BRD8: variants seen among roughly 807,000 people sequenced by gnomAD.
BRD8 encodes bromodomain containing 8, also known as bromodomain-containing protein 8.
A neutral mutation model predicts 143.1 loss-of-function variants in BRD8; 67 were observed. The ratio of observed to expected loss-of-function variants is 0.47; its 90% CI spans 0.38 to 0.57. The LOEUF is 0.57. Ranked by LOEUF, BRD8 falls within the 20% of genes least tolerant of loss-of-function variation. The pLI, the probability that BRD8 is intolerant of heterozygous loss-of-function variation, is 0.00. For missense variants in BRD8, 1,103 were observed against 1,503.0 expected, an observed-to-expected ratio of 0.73 and a Z score of 4.40; for synonymous variants, 505 against 517.1, an observed-to-expected ratio of 0.98 and a Z score of 0.32.
intron 23 of BRD8, among the ~76,000 whole-genome samples, chr5:138,146,951 C>T (rs975345309): frequency 4.9e-5 from 7 of 143,394 alleles, no homozygotes; most frequent in Admixed American, 1.4e-4. Flanking sequence ...GCCTGGGCGA[C>T]CGAGCGAAAC....
chr5:138,156,169 T>C (rs1752587685), intron 20 of BRD8, among the ~76,000 whole-genome samples: 1 of 150,618 alleles, frequency 6.6e-6, no homozygotes, highest in Non-Finnish European at 1.5e-5. Flanking sequence ...AGATGGAATC[T>C]TGCTCTGTTG....
At chr5:138,172,037 C>T in intron 3 of BRD8, 28 bp downstream of exon 3, 1 of 1,601,660 alleles carries the variant, frequency 6.2e-7, no homozygotes, top group Non-Finnish European at 8.6e-7. Flanking sequence ...AAAGACTGCT[C>T]TAAAAGAGCC....
chr5:138,152,526 C>T lies in BRD8; in HGVS notation c.2812G>A (p.Ala938Thr). Residue 938 changes from alanine (A) to threonine (T), a missense_variant, in exon 21 of 27, where the codon GCA becomes ACA. Physicochemically the swap from Ala to Thr is moderately conservative, Grantham distance 58 (BLOSUM62 0). Transcript: ENST00000254900. ...DGGSEESQEA[A>T]RKASHQNLLH... ...AGGTTCTGGTGGCTGGCTTTCCTTGCCGCTTCCTGAGATTCCTCACTGCCT... is the reference window on the plus strand; with the variant it reads ...AGGTTCTGGTGGCTGGCTTTCCTTGTCGCTTCCTGAGATTCCTCACTGCCT... The T allele has an allele frequency of 6.2e-7, 1 of 1,614,196 alleles. No individual in the cohort carries two copies.
intron 20 of BRD8, among the ~76,000 whole-genome samples, chr5:138,153,125 T>C (rs1030179384): frequency 1.3e-5 from 2 of 152,208 alleles, no homozygotes; most frequent in African/African-American, 2.4e-5. Flanking sequence ...AAATCATCCA[T>C]AACTAAACCG....
At position 138,140,043 on chromosome 5, in the gene BRD8, C is replaced by T. The variant is rs1311249811; in HGVS notation, c.*31G>A. The T allele has an allele frequency of 2.6e-6, 4 of 1,551,370 alleles. No homozygotes were observed. The highest frequency in any genetic ancestry group is 3.6e-6 in the Non-Finnish European group (4 of 1,123,056). ...GTCAGAGTTCCGGGAGAGATTCAAACTCTAGAAAAAGTCAGGATAGCAGCT... is the reference window on the plus strand; with the variant it reads ...GTCAGAGTTCCGGGAGAGATTCAAATTCTAGAAAAAGTCAGGATAGCAGCT... On this transcript the variant is annotated 3_prime_UTR_variant, in exon 27 of 27. Transcript: ENST00000254900.
chr5:138,140,950 TTCTC>T, intron 25 of BRD8, 68 bp from the exon 26 acceptor site: 1 of 1,536,522 alleles, frequency 6.5e-7, no homozygotes, highest in Non-Finnish European at 8.9e-7. Context: ...ACCTAACACG[TTCTC>T]TTGAAGAACT....
At chr5:138,169,046 C>T (rs954450114) in intron 8 of BRD8, among the ~76,000 whole-genome samples, 176 bp downstream of exon 8, 2 of 152,182 alleles carry the variant, frequency 1.3e-5, no homozygotes, top group South Asian at 2.1e-4. Context: ...GGTCAAAAGC[C>T]TCAATGCTTT....
At chr5:138,150,582 T>C (rs1364445029) in intron 22 of BRD8, among the ~76,000 whole-genome samples, 163 bp downstream of exon 22, 1 of 152,228 alleles carries the variant, frequency 6.6e-6, no homozygotes, top group Non-Finnish European at 1.5e-5. Flanking sequence ...TTCTAAAATG[T>C]TCACTAACAT....
chr5:138,153,428 T>A (rs1051176034), intron 20 of BRD8, among the ~76,000 whole-genome samples: 1 of 152,076 alleles, frequency 6.6e-6, no homozygotes, highest in African/African-American at 2.4e-5. Context: ...TAATGTATTT[T>A]AAAAAAATGT....
At chr5:138,164,173 T>C (rs765342940) in intron 13 of BRD8, 40 bp from the exon 14 acceptor site, 1 of 1,607,174 alleles carries the variant, frequency 6.2e-7, no homozygotes, top group Non-Finnish European at 8.5e-7. Flanking sequence ...TTTTTCCACC[T>C]TAGCCTTCCC....
At position 138,145,867 on chromosome 5, in the gene BRD8, C is replaced by T; in HGVS notation, c.3290G>A (p.Ser1097Asn). The T allele has an allele frequency of 6.2e-7, 1 of 1,613,634 alleles. No homozygotes were observed. Among genetic ancestry groups the T allele is most frequent in the South Asian group, 1.1e-5 (1 of 91,070 alleles). ...ATGATCCTGAACAGGGTCATCCTGG[C>T]TTAGATCAGTCCTATGAGGATAAAA... ...HATSSKLTDL[S>N]QDDPVQDHLL... Residue 1097 changes from serine to asparagine, a missense_variant, in exon 24 of 27, where the codon AGC (serine) becomes AAC (asparagine). Around this residue, in one of 7 missense-constraint regions of BRD8, gnomAD observed 369 missense variants for 445.5 expected, o/e 0.83. Transcript: ENST00000254900.
chr5:138,172,521 C>CAAAAAAAAAAAAAAAA (rs10547758), intron 2 of BRD8, among the ~76,000 whole-genome samples: 1 of 24,680 alleles, frequency 4.1e-5, no homozygotes, highest in Non-Finnish European at 7.0e-5. Context: ...GACTCCATCT[C>CAAAAAAAAAAAAAAAA]AAAAAAAAAA....
At chr5:138,154,073 CAAT>C (rs1451963392) in intron 20 of BRD8, among the ~76,000 whole-genome samples, 5 of 152,188 alleles carry the variant, frequency 3.3e-5, no homozygotes, top group African/African-American at 1.2e-4. Context: ...TTTTCTCCCA[CAAT>C]AAGTTTTCTC....
intron 25 of BRD8, among the ~76,000 whole-genome samples, chr5:138,144,922 T>A (rs59996208): frequency 0.15 from 18,589 of 127,386 alleles, 1,647 homozygotes; most frequent in Non-Finnish European, 0.17. Flanking sequence ...AAAAAAAATA[T>A]ATATATATAT....
intron 3 of BRD8, 87 bp from the exon 4 acceptor site, chr5:138,171,497 A>G (rs1035198563): frequency 1.1e-6 from 1 of 878,978 alleles, no homozygotes; most frequent in African/African-American, 1.7e-5. Flanking sequence ...TTAGAGTAAG[A>G]TTTAGAGAAG....
At position 138,177,612 on chromosome 5, in the gene BRD8, T is replaced by C. The variant is rs200545131; in HGVS notation, c.75A>G (p.Leu25=). 2 of 1,610,100 alleles carry C rather than the reference T, an allele frequency of 1.2e-6. No homozygotes were observed. Among genetic ancestry groups the C allele is most frequent in the Non-Finnish European group, 1.7e-6 (2 of 1,179,108 alleles). ...TTCTCATGACAGAAGATGCTAAACA[T>C]AGCTTCTCTCGGATGGACCATGGCT... The part of the protein sequence containing the change: ...PTEPWSIREK[L]CLASSVMRSG... Residue 25 remains leucine, a synonymous_variant, in exon 2 of 27, where the codon CTA becomes CTG. Coordinates refer to ENST00000254900, the MANE Select transcript of BRD8 (RefSeq NM_139199.2).
At chr5:138,154,727 A>T (rs999500102) in intron 20 of BRD8, among the ~76,000 whole-genome samples, 4 of 152,166 alleles carry the variant, frequency 2.6e-5, no homozygotes, top group Non-Finnish European at 5.9e-5. Context: ...TTTGACTATT[A>T]GACCAGGCTC....
intron 1 of BRD8, 91 bp from the exon 2 acceptor site, chr5:138,177,758 C>A: frequency 1.4e-6 from 1 of 733,396 alleles, no homozygotes; most frequent in South Asian, 1.8e-5. Context: ...GGACTAAAAG[C>A]CTAATACAAA....
Position 138,164,307 on chromosome 5 carries a change from G to T in BRD8, c.1825+13C>A. 1.2e-6 allele frequency: 2 copies of T among 1,611,966 alleles called. No individual in the cohort carries two copies. Among genetic ancestry groups the T allele is most frequent in the Non-Finnish European group, 1.7e-6 (2 of 1,178,122 alleles). On this transcript the variant is annotated intron_variant, in intron 13 of 26. Coordinates refer to ENST00000254900, the MANE Select transcript of BRD8 (RefSeq NM_139199.2). ...CAAATGATTTCAAGTCAGTGAAAGAGGACTTTATTTACCTGACATTTCAAA... is the reference window on the plus strand; with the variant it reads ...CAAATGATTTCAAGTCAGTGAAAGATGACTTTATTTACCTGACATTTCAAA...
Sources: allele counts gnomAD v4.1 joint callset (sites outside exome capture counted in the v4.1 genomes callset), GRCh38; gene constraint gnomAD v4.1.1; regional missense constraint gnomAD v4.1.1; transcripts MANE v1.5; gene names NCBI Gene and HGNC (gene_info 2026-07-23, HGNC 2026-07-21).